The following UGT1A10 variants were observed in gnomAD, a reference collection of about 807,000 sequenced individuals.
UGT1A10 encodes UDP glucuronosyltransferase family 1 member A10, also known as UDP-glucuronosyltransferase 1A10.
Under a neutral mutation model 45.8 loss-of-function variants are expected in UGT1A10, and 49 were observed. The ratio of observed to expected loss-of-function variants is 1.07; its 90% CI spans 0.85 to 1.36. UGT1A10 has a LOEUF of 1.36. Among genes scored for constraint, UGT1A10 ranks in the 40% most tolerant of loss-of-function variants. UGT1A10 has a pLI of 0.00. For synonymous variants in UGT1A10, 284 were observed against 249.7 expected (o/e 1.14, Z -1.29); for missense variants, 745 against 668.6 (o/e 1.11, Z -1.26).
chr2:233,678,122 C>A (rs1018092996), intron 1 of UGT1A10, among the ~76,000 whole-genome samples: 1 of 152,044 alleles, frequency 6.6e-6, no homozygotes, highest in African/African-American at 2.4e-5. Flanking sequence ...ATAGTGGGTA[C>A]TTTTGGGCAT....
intron 1 of UGT1A10, chr2:233,647,786 G>A: frequency 6.4e-6 from 4 of 623,018 alleles, no homozygotes; most frequent in Non-Finnish European, 1.0e-5. Flanking sequence ...TTCCTAATCA[G>A]TCTGGGTAGA....
At chr2:233,671,306 C>T (rs2074184894) in intron 1 of UGT1A10, among the ~76,000 whole-genome samples, 2 of 152,200 alleles carry the variant, frequency 1.3e-5, no homozygotes, top group Non-Finnish European at 2.9e-5. Flanking sequence ...CGGTTACTTT[C>T]CATCAAGTCC....
In UGT1A10 at chr2:233,636,814, T is replaced by C. The variant is rs781226714; in HGVS notation, c.292T>C (p.Trp98Arg). The change falls in exon 1 of 5, where the codon TGG becomes CGG. Residue 98 changes from tryptophan (W) to arginine (R), a missense_variant. Transcript: ENST00000344644. The stretch of plus-strand genomic sequence containing the variant: ...ATTCATGGTTTTCGCCCATGCTCAA[T>C]GGAAAGCACAGGCACAAAGTATATT... ...REFMVFAHAQ[W>R]KAQAQSIFSL... is the part of the protein sequence containing the mutation. 77 of 1,614,126 alleles carry C rather than the reference T, an allele frequency of 4.8e-5. No individual in the cohort carries two copies. Among genetic ancestry groups the C allele is most frequent in the Non-Finnish European group, 6.2e-5 (73 of 1,180,052 alleles).
chr2:233,650,525 T>C (rs1488652934), intron 1 of UGT1A10, among the ~76,000 whole-genome samples: 1 of 152,250 alleles, frequency 6.6e-6, no homozygotes, highest in Non-Finnish European at 1.5e-5. Flanking sequence ...GATGGTCTGC[T>C]GGTGTAGGCT....
At chr2:233,694,004 C>T in intron 1 of UGT1A10, 1 of 1,466,316 alleles carries the variant, frequency 6.8e-7, no homozygotes, top group Non-Finnish European at 9.2e-7. Flanking sequence ...CGGCTCGGAG[C>T]AGCGGGAACA....
intron 1 of UGT1A10, chr2:233,719,233 T>C: frequency 1.2e-6 from 2 of 1,614,226 alleles, no homozygotes; most frequent in Non-Finnish European, 1.7e-6. Context: ...GAGGCCCTGA[T>C]CAGGCACCTG....
chr2:233,768,376 A>G lies in UGT1A10; in HGVS notation c.1232A>G (p.Asn411Ser). The G allele has an allele frequency of 6.2e-7, 1 of 1,614,182 alleles. No homozygotes were observed. The highest frequency in any genetic ancestry group is 8.5e-7 in the Non-Finnish European group (1 of 1,180,034). ...ACTAAGGGAGCTGGAGTGACCCTGA[A>G]TGTTCTGGAAATGACTTCTGAAGAT... is the stretch of plus-strand genomic sequence containing the variant. ...METKGAGVTLNVLEMTSEDLE... is the reference protein window; with the variant it reads ...METKGAGVTLSVLEMTSEDLE... Residue 411 changes from asparagine (N) to serine (S), a missense_variant, in exon 4 of 5, where the codon AAT becomes AGT. Physicochemically the swap from Asn to Ser is conservative, Grantham distance 46 (BLOSUM62 1). Transcript: ENST00000344644.
chr2:233,760,276 A>C (rs1040602725), intron 1 of UGT1A10: 1 of 1,612,488 alleles, frequency 6.2e-7, no homozygotes, highest in Non-Finnish European at 8.5e-7. Flanking sequence ...CTCTGGCAGG[A>C]GCAAAGGCGC....
intron 1 of UGT1A10, among the ~76,000 whole-genome samples, chr2:233,723,421 G>T (rs2077083067): frequency 7.4e-6 from 1 of 135,012 alleles, no homozygotes; most frequent in South Asian, 2.8e-4. Context: ...TACTGGTCAG[G>T]CTGGTCTCGA....
Position 233,690,572 on chromosome 2 carries a change from C to CT in UGT1A10, c.855+53196dup, listed in dbSNP as rs776258044. The CT allele has an allele frequency of 3.1e-6, 4 of 1,288,646 alleles. No individual in the cohort carries two copies. In the South Asian group the frequency reaches 3.7e-5, roughly 12 times the overall value. 79.8% of individuals were successfully genotyped at this position (1,288,646 alleles called of 1,614,324 possible). On this transcript the variant is annotated intron_variant, in intron 1 of 4. Coordinates refer to ENST00000344644, the MANE Select transcript of UGT1A10 (RefSeq NM_019075.4). ...ATGTCCCAAGCCTGAGTCATTCAGC[C>CT]TGCAGCAATCCCTGAGAAAAAAAAA...
At chr2:233,675,126 C>A (rs1366738866) in intron 1 of UGT1A10, among the ~76,000 whole-genome samples, 2 of 148,858 alleles carry the variant, frequency 1.3e-5, no homozygotes, top group African/African-American at 2.4e-5. Context: ...GTAACAAAAT[C>A]TCCTTGAGGC....
intron 1 of UGT1A10, among the ~76,000 whole-genome samples, chr2:233,662,126 T>A (rs1300711043): frequency 6.6e-6 from 1 of 152,200 alleles, no homozygotes; most frequent in East Asian, 1.9e-4. Context: ...AACTTACCTT[T>A]GTTACTTTTC....
chr2:233,682,329 G>A lies in UGT1A10; in HGVS notation c.855+44952G>A, dbSNP rs17868324. ...AATTGCAGGAGTTTGTTTAATGACC[G>A]AAAATTAGTAGAATACTTAAAGGAG... On this transcript the variant is annotated intron_variant, in intron 1 of 4. Transcript: ENST00000344644. 0.62 allele frequency: 1,002,373 copies of A among 1,612,762 alleles called. 314,239 individuals carry two copies. Among genetic ancestry groups the A allele is most frequent in the South Asian group, 0.65 (59,099 of 91,046 alleles).
chr2:233,712,904 C>T, intron 1 of UGT1A10: 1 of 1,609,906 alleles, frequency 6.2e-7, no homozygotes, highest in African/African-American at 1.3e-5. Flanking sequence ...TGCTAGGTGT[C>T]TCAGTGACAA....
chr2:233,755,098 C>G (rs1292458921), intron 1 of UGT1A10: 1 of 1,334,792 alleles, frequency 7.5e-7, no homozygotes, highest in Non-Finnish European at 1.0e-6. Flanking sequence ...TTCTACGCGT[C>G]CGACAACACC....
intron 1 of UGT1A10, among the ~76,000 whole-genome samples, chr2:233,739,561 C>T (rs1384558605): frequency 1.3e-5 from 2 of 152,192 alleles, no homozygotes; most frequent in African/African-American, 4.8e-5. Flanking sequence ...TAATGACTGC[C>T]CTGCCTGGTT....
chr2:233,666,143 A>G (rs1031311910), intron 1 of UGT1A10, among the ~76,000 whole-genome samples: 7 of 152,226 alleles, frequency 4.6e-5, no homozygotes, highest in African/African-American at 1.7e-4. Flanking sequence ...ATGGCTAGAG[A>G]GAAGCAAGAG....
chr2:233,724,289 T>C (rs1391719370), intron 1 of UGT1A10, among the ~76,000 whole-genome samples: 13 of 129,340 alleles, frequency 1.0e-4, no homozygotes, highest in African/African-American at 3.0e-4. Flanking sequence ...GGCGGGGGGC[T>C]GACCCCCCCA....
intron 1 of UGT1A10, among the ~76,000 whole-genome samples, chr2:233,739,394 A>AC (rs1399840083): frequency 1.3e-5 from 2 of 152,222 alleles, no homozygotes; most frequent in Non-Finnish European, 1.5e-5. Flanking sequence ...AGCCACAGAC[A>AC]TCAATGCCAC....
Sources: gnomAD v4.1 joint callset for allele counts (sites outside exome capture counted in the v4.1 genomes callset) on GRCh38, gnomAD v4.1.1 for gene constraint, MANE v1.5 for transcripts, NCBI Gene and HGNC (gene_info 2026-07-23, HGNC 2026-07-21) for gene names.